ADAMTSL3: variants seen among roughly 807,000 people sequenced by gnomAD.
The protein encoded by ADAMTSL3 is ADAMTS like 3.
Under a neutral mutation model 201.7 loss-of-function variants are expected in ADAMTSL3, and 128 were observed. The observed-to-expected ratio is 0.63, with a 90% CI of 0.55 to 0.73. ADAMTSL3 has a LOEUF of 0.73. Ranked by LOEUF, ADAMTSL3 falls within the 30% of genes least tolerant of loss-of-function variation. The pLI, the probability that ADAMTSL3 is intolerant of heterozygous loss-of-function variation, is 0.00. For synonymous variants in ADAMTSL3, 738 were observed against 748.4 expected (o/e 0.99, Z 0.23); for missense variants, 1,990 against 2,119.6 (o/e 0.94, Z 1.20).
At chr15:83,784,542 G>A (rs1402355549) in intron 4 of ADAMTSL3, among the ~76,000 whole-genome samples, 1 of 152,146 alleles carries the variant, frequency 6.6e-6, no homozygotes, top group East Asian at 1.9e-4. Context: ...ATGGGAATTT[G>A]TAAGGGGGAA....
At chr15:83,670,931 T>G (rs1339839043) in intron 2 of ADAMTSL3, among the ~76,000 whole-genome samples, 2 of 152,348 alleles carry the variant, frequency 1.3e-5, no homozygotes, top group African/African-American at 4.8e-5. Context: ...TATCTAGATG[T>G]TCATATTCTT....
chr15:84,010,732 C>T (rs566746538), intron 23 of ADAMTSL3, among the ~76,000 whole-genome samples: 9 of 152,230 alleles, frequency 5.9e-5, no homozygotes, highest in South Asian at 4.2e-4. Flanking sequence ...GAAGTTAAAT[C>T]AAAGTTGTTT....
chr15:83,853,279 A>C (rs1470997390), intron 7 of ADAMTSL3, among the ~76,000 whole-genome samples: 2 of 152,092 alleles, frequency 1.3e-5, no homozygotes, highest in East Asian at 3.8e-4. Flanking sequence ...AAATCTAATA[A>C]TTTTTTAATA....
At chr15:83,862,742 A>G (rs1408828688) in intron 8 of ADAMTSL3, 1 of 152,174 alleles carries the variant, frequency 6.6e-6, no homozygotes, top group African/African-American at 2.4e-5. Context: ...TAACATCATA[A>G]TGACAGGATC....
chr15:83,843,406 G>C (rs2064424918), intron 7 of ADAMTSL3, among the ~76,000 whole-genome samples: 1 of 152,170 alleles, frequency 6.6e-6, no homozygotes, highest in Admixed American at 6.5e-5. Context: ...GCTAAAGGTA[G>C]CAAAGATTCC....
chr15:83,663,398 A>T (rs1464248409), intron 2 of ADAMTSL3, among the ~76,000 whole-genome samples: 2 of 152,156 alleles, frequency 1.3e-5, no homozygotes, highest in Non-Finnish European at 2.9e-5. Context: ...AAGTGGCATT[A>T]TGTGTTATTT....
chr15:83,974,502 ATAAG>A (rs2067248866), intron 20 of ADAMTSL3, among the ~76,000 whole-genome samples: 1 of 152,206 alleles, frequency 6.6e-6, no homozygotes, highest in Non-Finnish European at 1.5e-5. Flanking sequence ...ATAAAATGTA[ATAAG>A]TAAGTTGTGT....
In ADAMTSL3 at chr15:83,708,979, G is replaced by T. The variant is rs188678259; in HGVS notation, c.189+4471G>T. 3.3e-5 allele frequency among the ~76,000 whole-genome samples: 5 copies of T among 152,244 alleles called. No individual in the cohort carries two copies. The East Asian group carries it at 9.7e-4, about 29-fold the overall frequency. On this transcript the variant is annotated intron_variant, in intron 3 of 29. Transcript: ENST00000286744. ...TACACTCCAAACCCAAGGCTCTCCT[G>T]CTCTGAGATATATCCAGGAGCTTCT...
At chr15:83,888,339 C>T (rs1345358827) in intron 10 of ADAMTSL3, among the ~76,000 whole-genome samples, 6 of 152,184 alleles carry the variant, frequency 3.9e-5, no homozygotes, top group African/African-American at 1.4e-4. Flanking sequence ...TGTCTCTCCT[C>T]AAATTATAAA....
intron 3 of ADAMTSL3, among the ~76,000 whole-genome samples, chr15:83,716,579 G>A (rs1332168794): frequency 2.6e-5 from 4 of 150,946 alleles, no homozygotes; most frequent in Admixed American, 6.6e-5. Context: ...ATTATTCTTT[G>A]TGATAATAAA....
intron 17 of ADAMTSL3, among the ~76,000 whole-genome samples, chr15:83,926,759 G>A (rs368268908): frequency 6.6e-6 from 1 of 152,010 alleles, no homozygotes; most frequent in Non-Finnish European, 1.5e-5. Context: ...GGGGTCACAG[G>A]TGCCTGCCAC....
chr15:83,911,847 T>TA (rs1398808156), intron 15 of ADAMTSL3, among the ~76,000 whole-genome samples: 9 of 152,334 alleles, frequency 5.9e-5, no homozygotes, highest in African/African-American at 2.2e-4. Flanking sequence ...ACAAACATCT[T>TA]AGCAGTGTTT....
At chr15:83,877,748 T>G (rs1264131546) in intron 9 of ADAMTSL3, among the ~76,000 whole-genome samples, 2 of 152,220 alleles carry the variant, frequency 1.3e-5, no homozygotes, top group Non-Finnish European at 2.9e-5. Context: ...TTTTTAGTTC[T>G]TTTAAAATTT....
chr15:83,809,934 A>G (rs564535126), intron 5 of ADAMTSL3, among the ~76,000 whole-genome samples: 1 of 152,068 alleles, frequency 6.6e-6, no homozygotes, highest in South Asian at 2.1e-4. Context: ...TCTGTGGATC[A>G]AGTTTTTTCT....
At chr15:83,727,063 T>A (rs947895503) in intron 3 of ADAMTSL3, among the ~76,000 whole-genome samples, 10 of 152,058 alleles carry the variant, frequency 6.6e-5, no homozygotes, top group Non-Finnish European at 1.5e-5. Context: ...ATGGCTTCAA[T>A]CACATTACTT....
At chr15:83,999,912 T>A (rs926233752) in intron 23 of ADAMTSL3, among the ~76,000 whole-genome samples, 2 of 152,206 alleles carry the variant, frequency 1.3e-5, no homozygotes, top group African/African-American at 4.8e-5. Context: ...ATATTTGTGG[T>A]GCAGCAGGAT....
At chr15:83,718,344 A>G (rs748867427) in intron 3 of ADAMTSL3, among the ~76,000 whole-genome samples, 1 of 152,186 alleles carries the variant, frequency 6.6e-6, no homozygotes, top group Non-Finnish European at 1.5e-5. Flanking sequence ...GAAGCTGTCA[A>G]GACTACTAGA....
chr15:83,792,522 G>A (rs2063359501), intron 4 of ADAMTSL3, among the ~76,000 whole-genome samples: 2 of 152,166 alleles, frequency 1.3e-5, no homozygotes, highest in African/African-American at 2.4e-5. Flanking sequence ...TTGGGCTTAT[G>A]CCTGTAATCC....
intron 3 of ADAMTSL3, among the ~76,000 whole-genome samples, chr15:83,705,448 G>C (rs1389707823): frequency 6.6e-6 from 1 of 152,166 alleles, no homozygotes; most frequent in Non-Finnish European, 1.5e-5. Flanking sequence ...AGCCTAGTCA[G>C]AGTGCAAAAG....
Sources: gnomAD v4.1 joint callset for allele counts (sites outside exome capture counted in the v4.1 genomes callset) on GRCh38, gnomAD v4.1.1 for gene constraint, MANE v1.5 for transcripts, NCBI Gene and HGNC (gene_info 2026-07-23, HGNC 2026-07-21) for gene names.